The following PDLIM2 variants were observed in gnomAD, a reference collection of about 807,000 sequenced individuals.
The protein encoded by PDLIM2 is PDZ and LIM domain protein 2.
Under a neutral mutation model 54.1 loss-of-function variants are expected in PDLIM2, and 51 were observed. That is an observed-to-expected ratio of 0.94 (90% CI 0.75 to 1.19). The LOEUF (loss-of-function observed/expected upper bound fraction) is 1.19. Ranked by LOEUF, PDLIM2 falls within the 50% of genes most tolerant of loss-of-function variation. PDLIM2 has a pLI of 0.00. For missense variants in PDLIM2, 912 were observed against 874.0 expected (o/e 1.04, Z -0.55); for synonymous variants, 398 against 385.6 (o/e 1.03, Z -0.38).
downstream of PDLIM2, chr8:22,595,242 A>G (rs541346631): frequency 6.6e-6 from 1 of 152,584 alleles, no homozygotes; most frequent in East Asian, 1.9e-4. Context: ...ACCTGTAGAT[A>G]TAATTTACAC....
At chr8:22,592,191 C>G (rs1334317748) in intron 9 of PDLIM2, 1 of 148,136 alleles carries the variant, frequency 6.8e-6, no homozygotes, top group East Asian at 2.0e-4. Context: ...ACGCTATTCT[C>G]GTGTCTCAGC....
intron 2 of PDLIM2, 83 bp from the exon 2 acceptor site, chr8:22,581,296 T>C: frequency 6.6e-7 from 1 of 1,512,806 alleles, no homozygotes. Flanking sequence ...CAAGCCAGCC[T>C]CTGTGTTTCT....
At position 22,579,204 on chromosome 8, in the gene PDLIM2, G is replaced by A. The variant is rs1586916547; in HGVS notation, c.425G>A (p.Arg142Gln). ...CCCTCCCGGGCCTGGGCGCCCAGCC[G>A]GACAGGTGAGCGGCAGCCAGGTGAG... Residue 142 changes from arginine to glutamine, a missense_variant, in exon 1 of 10, where the codon CGG (arginine) becomes CAG (glutamine). Coordinates refer to ENST00000308354, the Ensembl canonical transcript of PDLIM2. 2.9e-6 allele frequency: 4 copies of A among 1,386,616 alleles called. No homozygotes were observed. Among genetic ancestry groups the A allele is most frequent in the Non-Finnish European group, 3.7e-6 (4 of 1,072,310 alleles). 85.9% of individuals were successfully genotyped at this position (1,386,616 alleles called of 1,614,324 possible).
At chr8:22,591,626 C>T (rs778293541) in exon 9 of PDLIM2, 1 of 1,613,396 alleles carries the variant, frequency 6.2e-7, no homozygotes, top group Non-Finnish European at 8.5e-7. Flanking sequence ...CTGGCCACCC[C>T]TCCCAAGCTC....
At position 22,589,979 on chromosome 8, in the gene PDLIM2, G is replaced by T. The variant is rs1344224889; in HGVS notation, c.1513+238G>T. ...AGAGTAGTGGGCAGTAGCCAGCTGG[G>T]ATGGGAAAGTGTCATTCGAGTGATA... On this transcript the variant is annotated intron_variant, in intron 8 of 9. Transcript: ENST00000308354. 7.2e-6 allele frequency: 4 copies of T among 552,308 alleles called. No individual in the cohort carries two copies. In the Admixed American group the frequency reaches 1.0e-4, roughly 14 times the overall value. The allele number at this position is 552,308 out of a possible 1,614,324, so 34.2% of individuals were successfully genotyped here.
intron 9 of PDLIM2, chr8:22,592,369 C>G (rs1423742587): frequency 6.6e-6 from 1 of 151,908 alleles, no homozygotes; most frequent in African/African-American, 2.4e-5. Flanking sequence ...GCGTGAGCCA[C>G]CATGCCCAGC....
chr8:22,589,560 C>T (rs200191980), intron 7 of PDLIM2, 36 bp from the exon 7 acceptor site: 131 of 1,588,724 alleles, frequency 8.2e-5, no homozygotes, highest in East Asian at 6.9e-5. Flanking sequence ...AGCTCCGGCA[C>T]GGGACCCTCA....
At chr8:22,593,767 C>T (rs762318482) in exon 10 of PDLIM2, 9 of 1,602,316 alleles carry the variant, frequency 5.6e-6, no homozygotes, top group East Asian at 4.5e-5. Flanking sequence ...GGGCCGGTAC[C>T]GCCACCCCGG....
exon 1 of PDLIM2, chr8:22,578,795 G>T: frequency 1.6e-6 from 2 of 1,234,374 alleles, no homozygotes; most frequent in Non-Finnish European, 2.0e-6. Context: ...GGGCGGGAGA[G>T]CGCGGCCGGC....
intron 3 of PDLIM2, among the ~76,000 whole-genome samples, chr8:22,582,934 G>A (rs894234009): frequency 1.2e-4 from 3 of 24,070 alleles, no homozygotes; most frequent in African/African-American, 5.3e-4. Flanking sequence ...CCCATCTCCC[G>A]CCTCCTACCC....
At chr8:22,592,529 T>A (rs1800581901) in intron 9 of PDLIM2, 1 of 152,260 alleles carries the variant, frequency 6.6e-6, no homozygotes, top group Admixed American at 6.5e-5. Context: ...TTAACCTCTC[T>A]GGGCTTTAGT....
chr8:22,595,558 T>G (rs1459815134), downstream of PDLIM2: 5 of 152,278 alleles, frequency 3.3e-5, no homozygotes, highest in African/African-American at 9.7e-5. Context: ...GATGTGGCAC[T>G]GAGCGCCAAG....
intron 9 of PDLIM2, chr8:22,593,492 G>A: frequency 2.0e-6 from 1 of 490,954 alleles, no homozygotes; most frequent in Non-Finnish European, 3.6e-6. Context: ...CAGGAGTATC[G>A]CTTGAACCCG....
exon 1 of PDLIM2, chr8:22,579,505 G>A: frequency 4.6e-6 from 7 of 1,509,570 alleles, no homozygotes; most frequent in Non-Finnish European, 6.2e-6. Context: ...CCCGCAGCGC[G>A]GAGTCCACTG....
intron 6 of PDLIM2, among the ~76,000 whole-genome samples, chr8:22,586,604 T>G (rs933972210): frequency 6.6e-6 from 1 of 151,848 alleles, no homozygotes; most frequent in Non-Finnish European, 1.5e-5. Flanking sequence ...CTGGGGGATT[T>G]TTTAGGGGGA....
exon 1 of PDLIM2, chr8:22,579,231 G>A: frequency 7.3e-7 from 1 of 1,360,918 alleles, no homozygotes. Context: ...CCAGGTGAGC[G>A]CGCCCACCTG....
exon 1 of PDLIM2, chr8:22,579,188 G>A (rs1020830741): frequency 2.9e-6 from 4 of 1,383,246 alleles, no homozygotes; most frequent in Non-Finnish European, 3.7e-6. Flanking sequence ...TCCCTCCCGG[G>A]CCTGGGCGCC....
At chr8:22,581,726 G>C (rs992544303) in intron 3 of PDLIM2, among the ~76,000 whole-genome samples, 196 bp downstream of exon 2, 4 of 152,262 alleles carry the variant, frequency 2.6e-5, no homozygotes, top group African/African-American at 9.6e-5. Flanking sequence ...TCCCATGCCT[G>C]GTTGGGTAAA....
At chr8:22,582,802 G>T (rs182083202) in intron 3 of PDLIM2, among the ~76,000 whole-genome samples, 1 of 151,746 alleles carries the variant, frequency 6.6e-6, no homozygotes, top group South Asian at 2.1e-4. Flanking sequence ...GGATGGTCTC[G>T]ATCTCCTGAC....
Sources: allele counts gnomAD v4.1 joint callset (sites outside exome capture counted in the v4.1 genomes callset), GRCh38; gene constraint gnomAD v4.1.1; transcripts MANE v1.5; gene names NCBI Gene and HGNC (gene_info 2026-07-23, HGNC 2026-07-21).